VWA8: variants seen among roughly 807,000 people sequenced by gnomAD.
VWA8 encodes the protein von Willebrand factor A domain-containing protein 8.
A neutral mutation model predicts 241.5 loss-of-function variants in VWA8; 221 were observed. The ratio of observed to expected loss-of-function variants is 0.91; its 90% CI spans 0.82 to 1.02. The LOEUF (loss-of-function observed/expected upper bound fraction) is 1.02. VWA8 is among the 50% of genes least tolerant of loss of function. The pLI is 0.00. For synonymous variants in VWA8, 852 were observed against 827.1 expected, an observed-to-expected ratio of 1.03 and a Z score of -0.52; for missense variants, 2,322 against 2,328.7, an observed-to-expected ratio of 1.00 and a Z score of 0.06.
chr13:41,922,025 C>T (rs1342605861), intron 2 of VWA8, among the ~76,000 whole-genome samples: 2 of 152,200 alleles, frequency 1.3e-5, no homozygotes, highest in Non-Finnish European at 2.9e-5. Flanking sequence ...CACTACCTGA[C>T]TTCAAACTAT....
rs571346134 is a variant in VWA8 at position 41,865,096 on chromosome 13, G to A, written c.1425+640C>T. Among the ~76,000 whole-genome samples the A allele has an allele frequency of 1.1e-4, 16 of 151,322 alleles. No individual in the cohort carries two copies. In the East Asian group the frequency reaches 2.7e-3, roughly 26 times the overall value. On this transcript the variant is annotated intron_variant, in intron 12 of 44. Coordinates refer to ENST00000379310, the MANE Select transcript of VWA8 (RefSeq NM_015058.2). ...AGTGAATATATAATTAGCTCCCACT[G>A]TAGCTGAAACCTATTTTGTTTAGAT...
intron 37 of VWA8, among the ~76,000 whole-genome samples, chr13:41,654,135 T>C (rs1485200380): frequency 6.6e-6 from 1 of 152,178 alleles, no homozygotes; most frequent in Non-Finnish European, 1.5e-5. Context: ...GTCAAAGGAA[T>C]ACTGGAATCA....
At chr13:41,746,245 C>T (rs1416169064) in intron 21 of VWA8, among the ~76,000 whole-genome samples, 1 of 152,140 alleles carries the variant, frequency 6.6e-6, no homozygotes, top group Middle Eastern at 3.2e-3. Flanking sequence ...AGGAATGTAG[C>T]TGTTCTCTAG....
intron 12 of VWA8, among the ~76,000 whole-genome samples, chr13:41,837,603 C>T (rs1350075335): frequency 2.0e-5 from 3 of 152,090 alleles, no homozygotes; most frequent in Non-Finnish European, 1.5e-5. Context: ...TTTGTAGTAC[C>T]ATGAAATTAT....
In VWA8 at chr13:41,572,203, GC is replaced by G. The variant is rs373408061; in HGVS notation, c.5371-1498del. Among the ~76,000 whole-genome samples the G allele has an allele frequency of 2.3e-4, 35 of 150,452 alleles. No individual in the cohort carries two copies. In the East Asian group the frequency reaches 4.4e-3, roughly 19 times the overall value. On this transcript the variant is annotated intron_variant, in intron 43 of 44. Coordinates refer to ENST00000379310, the MANE Select transcript of VWA8 (RefSeq NM_015058.2). ...GGGGTCAGCCCCCGCCCCGCCAGCC[GC>G]CCCGTCTGGGAGGGAGGTGGGGGGC...
chr13:41,944,876 C>A (rs936927228), intron 2 of VWA8, among the ~76,000 whole-genome samples: 9 of 152,142 alleles, frequency 5.9e-5, no homozygotes, highest in Admixed American at 5.9e-4. Context: ...GGCAGCAAAA[C>A]CAGTTGGAGC....
chr13:41,833,720 AT>A (rs202202573), intron 12 of VWA8, among the ~76,000 whole-genome samples, 189 bp from the exon 13 acceptor site: 3 of 151,926 alleles, frequency 2.0e-5, no homozygotes, highest in Admixed American at 2.0e-4. Context: ...TCATTTTAGG[AT>A]TTTTTTCCAT....
intron 2 of VWA8, among the ~76,000 whole-genome samples, chr13:41,934,144 C>T (rs931330828): frequency 6.7e-6 from 1 of 148,212 alleles, no homozygotes; most frequent in African/African-American, 2.5e-5. Flanking sequence ...AAACAGCCCA[C>T]CCAAAATGTA....
intron 37 of VWA8, among the ~76,000 whole-genome samples, chr13:41,624,731 A>G (rs977380248): frequency 6.6e-6 from 1 of 152,238 alleles, no homozygotes. Context: ...TGAATGGGCA[A>G]AGGCTGAAAG....
At chr13:41,664,799 C>A (rs1319111338) in intron 37 of VWA8, among the ~76,000 whole-genome samples, 1 of 152,140 alleles carries the variant, frequency 6.6e-6, no homozygotes, top group Non-Finnish European at 1.5e-5. Context: ...AGACAGGATT[C>A]CAATTTGCCC....
intron 16 of VWA8, among the ~76,000 whole-genome samples, chr13:41,814,419 T>C (rs552510513): frequency 1.3e-5 from 2 of 152,264 alleles, no homozygotes; most frequent in African/African-American, 4.8e-5. Flanking sequence ...GGAAAGCACA[T>C]TCTAGGCATT....
intron 39 of VWA8, 63 bp from the exon 40 acceptor site, chr13:41,605,339 C>A: frequency 6.7e-7 from 1 of 1,500,028 alleles, no homozygotes; most frequent in South Asian, 1.1e-5. Context: ...TTTTTACTTC[C>A]ATTCGCCTCC....
At chr13:41,615,120 G>A (rs780249570) in intron 37 of VWA8, 36 bp from the exon 38 acceptor site, 1 of 1,605,728 alleles carries the variant, frequency 6.2e-7, no homozygotes, top group South Asian at 1.1e-5. Context: ...TTACTATCCT[G>A]TGACAAACAC....
chr13:41,718,265 A>G (rs1036403198), intron 26 of VWA8, among the ~76,000 whole-genome samples: 1 of 151,986 alleles, frequency 6.6e-6, no homozygotes, highest in African/African-American at 2.4e-5. Context: ...AACGAAGTAA[A>G]TAACTTAAGT....
At chr13:41,690,341 C>A in intron 32 of VWA8, 66 bp from the exon 33 acceptor site, 1 of 1,346,232 alleles carries the variant, frequency 7.4e-7, no homozygotes, top group South Asian at 1.4e-5. Context: ...TAAGGCCAGA[C>A]TAAGAAAAAT....
chr13:41,765,956 C>T (rs1431494806), intron 20 of VWA8, among the ~76,000 whole-genome samples: 1 of 152,232 alleles, frequency 6.6e-6, no homozygotes, highest in South Asian at 2.1e-4. Flanking sequence ...TTCTGCTGGA[C>T]TGTGCTCTTC....
chr13:41,573,343 G>GGGA (rs2044323312), intron 43 of VWA8, among the ~76,000 whole-genome samples: 1 of 150,470 alleles, frequency 6.6e-6, no homozygotes, highest in African/African-American at 2.4e-5. Flanking sequence ...GCTTGAACCC[G>GGGA]GGAGGAGGAG....
chr13:41,646,340 T>G (rs1000205314), intron 37 of VWA8, among the ~76,000 whole-genome samples: 1 of 152,190 alleles, frequency 6.6e-6, no homozygotes, highest in African/African-American at 2.4e-5. Flanking sequence ...CATGGATTCA[T>G]TCAGTGAGTA....
At chr13:41,673,516 G>C (rs2045039919) in intron 36 of VWA8, among the ~76,000 whole-genome samples, 1 of 152,136 alleles carries the variant, frequency 6.6e-6, no homozygotes, top group Admixed American at 6.6e-5. Flanking sequence ...CTTGACACTT[G>C]AAATGTGGCA....
Sources: allele counts gnomAD v4.1 joint callset (sites outside exome capture counted in the v4.1 genomes callset), GRCh38; gene constraint gnomAD v4.1.1; transcripts MANE v1.5; gene names NCBI Gene and HGNC (gene_info 2026-07-23, HGNC 2026-07-21).